RASAL2: variants seen among roughly 807,000 people sequenced by gnomAD.
The protein encoded by RASAL2 is ras GTPase-activating protein nGAP.
RASAL2 carries 58 observed loss-of-function variants against 128.9 expected under a neutral mutation model. The ratio of observed to expected loss-of-function variants is 0.45; its 90% CI spans 0.36 to 0.56. RASAL2 has a LOEUF of 0.56. Among genes scored for constraint, RASAL2 ranks in the 20% least tolerant of loss-of-function variants. The probability of loss-of-function intolerance (pLI) is 0.00; values close to 1 mark genes in which losing one functional copy is unlikely to be tolerated. For synonymous variants in RASAL2, 561 were observed against 580.8 expected (o/e 0.97, Z 0.49); for missense variants, 1,360 against 1,601.6 (o/e 0.85, Z 2.57).
At chr1:178,428,798 C>G (rs1440516771) in intron 5 of RASAL2, among the ~76,000 whole-genome samples, 1 of 152,008 alleles carries the variant, frequency 6.6e-6, no homozygotes, top group African/African-American at 2.4e-5. Context: ...TACACACTTG[C>G]CCCAGCCAAA....
At chr1:178,472,979 A>C (rs1184371367) in intron 17 of RASAL2, 96 bp from the exon 18 acceptor site, 4 of 1,413,708 alleles carry the variant, frequency 2.8e-6, no homozygotes, top group Admixed American at 3.7e-5. Context: ...CATGCATACA[A>C]CTGTTTGAGA....
intron 17 of RASAL2, 73 bp from the exon 18 acceptor site, chr1:178,473,002 C>A: frequency 6.6e-7 from 1 of 1,522,058 alleles, no homozygotes; most frequent in Non-Finnish European, 9.1e-7. Context: ...AAGCACTGGA[C>A]TAGTCATTCA....
At chr1:178,336,889 A>G (rs1304044276) in intron 3 of RASAL2, among the ~76,000 whole-genome samples, 1 of 152,006 alleles carries the variant, frequency 6.6e-6, no homozygotes, top group East Asian at 1.9e-4. Flanking sequence ...GTATAATCTT[A>G]CTCATATGAT....
intron 5 of RASAL2, among the ~76,000 whole-genome samples, chr1:178,432,932 A>G (rs1056693541): frequency 1.2e-4 from 18 of 152,030 alleles, no homozygotes; most frequent in Admixed American, 3.9e-4. Flanking sequence ...TTTTACTGAG[A>G]CACACATCTT....
intron 3 of RASAL2, among the ~76,000 whole-genome samples, chr1:178,385,350 T>C (rs560029366): frequency 3.3e-4 from 50 of 152,140 alleles, no homozygotes; most frequent in African/African-American, 1.2e-3. Context: ...GGTGGGAGGA[T>C]CACTTGAACC....
At chr1:178,267,068 T>G (rs1665991385) in intron 1 of RASAL2, among the ~76,000 whole-genome samples, 1 of 152,166 alleles carries the variant, frequency 6.6e-6, no homozygotes, top group Non-Finnish European at 1.5e-5. Flanking sequence ...ACAAAAACTT[T>G]CCAAGGACCC....
intron 1 of RASAL2, among the ~76,000 whole-genome samples, chr1:178,232,382 A>G (rs913748519): frequency 6.6e-6 from 1 of 152,102 alleles, no homozygotes; most frequent in African/African-American, 2.4e-5. Flanking sequence ...GATAGGGAAT[A>G]TTTTTCCAGC....
intron 3 of RASAL2, among the ~76,000 whole-genome samples, chr1:178,324,891 G>C (rs137964256): frequency 4.1e-4 from 62 of 152,132 alleles, no homozygotes; most frequent in African/African-American, 1.3e-3. Context: ...TGAAGTTTTT[G>C]GCTTGTTATG....
rs143704784 is a variant in RASAL2 at position 178,358,135 on chromosome 1, C to G, written c.458-31965C>G. Reference sequence around the variant, plus strand: ...CCTGTAATTCCAGCTACTCAGGAGACCAAGGCACAAGAATTGCTTGAACCT... The same window carrying G: ...CCTGTAATTCCAGCTACTCAGGAGAGCAAGGCACAAGAATTGCTTGAACCT... On this transcript the variant is annotated intron_variant, in intron 3 of 17. Coordinates refer to ENST00000367649, the MANE Select transcript of RASAL2 (RefSeq NM_170692.4). Among the ~76,000 whole-genome samples the G allele has an allele frequency of 8.5e-4, 127 of 148,630 alleles. 1 individual carries two copies. Among genetic ancestry groups the G allele is most frequent in the African/African-American group, 3.0e-3 (120 of 40,192 alleles).
chr1:178,339,218 TA>T (rs1331131121), intron 3 of RASAL2, among the ~76,000 whole-genome samples: 1 of 152,222 alleles, frequency 6.6e-6, no homozygotes, highest in Non-Finnish European at 1.5e-5. Context: ...CCAATAGAAT[TA>T]AATACCAAGG....
At chr1:178,420,295 A>G (rs958985145) in intron 4 of RASAL2, among the ~76,000 whole-genome samples, 2 of 152,242 alleles carry the variant, frequency 1.3e-5, no homozygotes, top group African/African-American at 4.8e-5. Context: ...GTGCTACTAG[A>G]AAGTTTAGTT....
chr1:178,227,712 T>C (rs867176865), intron 1 of RASAL2, among the ~76,000 whole-genome samples: 2 of 152,240 alleles, frequency 1.3e-5, no homozygotes, highest in Non-Finnish European at 2.9e-5. Context: ...TTAAATGTCA[T>C]TTTGACATAG....
chr1:178,420,401 C>A (rs1383968877), intron 4 of RASAL2, 110 bp from the exon 5 acceptor site: 2 of 603,288 alleles, frequency 3.3e-6, no homozygotes, highest in Non-Finnish European at 5.4e-6. Context: ...AAGCTAGTTT[C>A]TATTTCTGGT....
At chr1:178,374,019 A>G (rs1204799881) in intron 3 of RASAL2, among the ~76,000 whole-genome samples, 1 of 152,152 alleles carries the variant, frequency 6.6e-6, no homozygotes, top group African/African-American at 2.4e-5. Flanking sequence ...CAATAAGTTT[A>G]GTTGCTGAGT....
intron 1 of RASAL2, among the ~76,000 whole-genome samples, chr1:178,175,904 G>C (rs1040422125): frequency 6.6e-6 from 1 of 152,148 alleles, no homozygotes; most frequent in Non-Finnish European, 1.5e-5. Context: ...TTTAATGGCA[G>C]AGTAGTATTC....
intron 4 of RASAL2, among the ~76,000 whole-genome samples, chr1:178,392,575 C>A (rs939871972): frequency 5.9e-5 from 9 of 152,140 alleles, no homozygotes; most frequent in Non-Finnish European, 1.2e-4. Flanking sequence ...TAAAACTGAA[C>A]AAAGTGGCAT....
chr1:178,096,003 T>C (rs1430885580), intron 1 of RASAL2, among the ~76,000 whole-genome samples: 1 of 152,210 alleles, frequency 6.6e-6, no homozygotes, highest in East Asian at 1.9e-4. Flanking sequence ...TTTCTTGATG[T>C]TACTCTACGT....
At chr1:178,277,147 CAAAAAAAAA>C (rs61384367) in intron 1 of RASAL2, among the ~76,000 whole-genome samples, 4 of 55,146 alleles carry the variant, frequency 7.3e-5, no homozygotes, top group Non-Finnish European at 1.4e-4. Context: ...GATTCCCTCT[CAAAAAAAAA>C]AAAAAAAAAA....
rs199963404 is a variant in RASAL2 at position 178,107,454 on chromosome 1, GTTTT to G, written c.202+12765_202+12768del. Among the ~76,000 whole-genome samples the G allele has an allele frequency of 2.6e-3, 392 of 151,710 alleles. 5 individuals carry two copies. The highest frequency in any genetic ancestry group is 9.2e-3 in the African/African-American group (380 of 41,392). On this transcript the variant is annotated intron_variant, in intron 1 of 17. Coordinates refer to ENST00000367649, the MANE Select transcript of RASAL2 (RefSeq NM_170692.4). ...TAGAGTAACCAATAAATTATTTTGT[GTTTT>G]TTTTATTATGGTAAATATAGCAAAT...
Sources: allele counts gnomAD v4.1 joint callset (sites outside exome capture counted in the v4.1 genomes callset), GRCh38; gene constraint gnomAD v4.1.1; transcripts MANE v1.5; gene names NCBI Gene and HGNC (gene_info 2026-07-23, HGNC 2026-07-21).